CLSTN2: variants seen among roughly 807,000 people sequenced by gnomAD.
CLSTN2 encodes the protein calsyntenin-2.
Under a neutral mutation model 101.2 loss-of-function variants are expected in CLSTN2, and 48 were observed. That is an observed-to-expected ratio of 0.47 (90% CI 0.38 to 0.60). CLSTN2 has a LOEUF of 0.60. CLSTN2 is among the 20% of genes least tolerant of loss of function. The pLI is 0.00. For synonymous variants in CLSTN2, 481 were observed against 463.6 expected, an observed-to-expected ratio of 1.04 and a Z score of -0.48; for missense variants, 1,160 against 1,238.2, an observed-to-expected ratio of 0.94 and a Z score of 0.95.
At chr3:140,284,508 C>T (rs955794407) in intron 2 of CLSTN2, among the ~76,000 whole-genome samples, 3 of 152,146 alleles carry the variant, frequency 2.0e-5, no homozygotes, top group Middle Eastern at 3.4e-3. Flanking sequence ...CAGGGGGTTG[C>T]GGAGATCAAG....
intron 1 of CLSTN2, among the ~76,000 whole-genome samples, chr3:139,955,095 T>C (rs897715968): frequency 1.9e-4 from 26 of 137,524 alleles, no homozygotes; most frequent in African/African-American, 7.0e-4. Flanking sequence ...CACATACATG[T>C]ATATATGGCA....
intron 2 of CLSTN2, among the ~76,000 whole-genome samples, chr3:140,384,602 G>A (rs1399806617): frequency 6.6e-6 from 1 of 152,160 alleles, no homozygotes. Flanking sequence ...CCACTCACTC[G>A]GATGAGAATG....
rs192218559 is a variant in CLSTN2 at position 140,317,520 on chromosome 3, A to C, written c.233-86109A>C. Among the ~76,000 whole-genome samples, 11 of 152,246 alleles carry C rather than the reference A, an allele frequency of 7.2e-5. No homozygotes were observed. The East Asian group carries it at 2.1e-3, about 29-fold the overall frequency. On this transcript the variant is annotated intron_variant, in intron 2 of 16. Transcript: ENST00000458420. The stretch of plus-strand genomic sequence containing the variant: ...ACAGCCTGTTGGCCACAGGACCCCA[A>C]TTCCAGTGTGAGACCCATAAGTGAC...
chr3:140,215,446 C>A (rs1381933397), intron 2 of CLSTN2, among the ~76,000 whole-genome samples: 1 of 152,170 alleles, frequency 6.6e-6, no homozygotes, highest in African/African-American at 2.4e-5. Context: ...TTTATCTGTC[C>A]TTTTTTCCCA....
chr3:140,416,717 C>T (rs1302163061), intron 4 of CLSTN2, among the ~76,000 whole-genome samples: 1 of 152,204 alleles, frequency 6.6e-6, no homozygotes, highest in Non-Finnish European at 1.5e-5. Context: ...CAAAAAAATA[C>T]TGGAGCCTCT....
chr3:140,536,108 C>A (rs1435452169), intron 9 of CLSTN2, among the ~76,000 whole-genome samples: 3 of 152,126 alleles, frequency 2.0e-5, no homozygotes, highest in African/African-American at 7.2e-5. Context: ...AAAAGAGTTT[C>A]AGCTTTGGGG....
chr3:139,970,287 GC>G (rs1560057534), intron 1 of CLSTN2, among the ~76,000 whole-genome samples: 1 of 152,140 alleles, frequency 6.6e-6, no homozygotes, highest in African/African-American at 2.4e-5. Flanking sequence ...AGGGTTCCTG[GC>G]ACCATGTGAG....
chr3:140,429,874 G>A (rs142385307), intron 5 of CLSTN2, among the ~76,000 whole-genome samples: 33 of 152,198 alleles, frequency 2.2e-4, no homozygotes, highest in East Asian at 1.7e-3. Context: ...GCAGTTGGGC[G>A]TGTCTGGGGC....
chr3:140,042,738 T>C (rs577639196), intron 1 of CLSTN2, among the ~76,000 whole-genome samples: 5 of 152,310 alleles, frequency 3.3e-5, no homozygotes, highest in African/African-American at 1.2e-4. Context: ...GTGTTCTCAT[T>C]GTTCAATTCC....
chr3:140,124,819 G>A (rs1398268824), intron 1 of CLSTN2, among the ~76,000 whole-genome samples: 5 of 152,204 alleles, frequency 3.3e-5, no homozygotes, highest in Non-Finnish European at 5.9e-5. Context: ...TGAAGTTTTA[G>A]TGCAGGATGA....
intron 2 of CLSTN2, among the ~76,000 whole-genome samples, chr3:140,286,294 G>A (rs1249472051): frequency 1.3e-5 from 2 of 151,998 alleles, no homozygotes; most frequent in African/African-American, 4.8e-5. Context: ...GATAGGTGTG[G>A]TGTTTTCAAG....
intron 1 of CLSTN2, among the ~76,000 whole-genome samples, chr3:139,987,097 C>CT (rs1256497391): frequency 1.3e-5 from 2 of 152,164 alleles, no homozygotes; most frequent in East Asian, 3.8e-4. Flanking sequence ...TTTAGTTCCT[C>CT]TGTCTTTTGG....
At chr3:140,556,815 C>T (rs1050822966) in intron 11 of CLSTN2, 154 bp downstream of exon 11, 2 of 671,648 alleles carry the variant, frequency 3.0e-6, no homozygotes, top group Non-Finnish European at 5.0e-6. Flanking sequence ...CTCAAAGGAT[C>T]TGTGTTCTTG....
intron 1 of CLSTN2, among the ~76,000 whole-genome samples, chr3:140,168,717 A>C (rs143368235): frequency 2.0e-5 from 3 of 151,966 alleles, no homozygotes; most frequent in Admixed American, 2.0e-4. Context: ...TGGCATATAG[A>C]TATTCATTTT....
At chr3:140,244,795 G>T (rs2086500870) in intron 2 of CLSTN2, among the ~76,000 whole-genome samples, 1 of 152,132 alleles carries the variant, frequency 6.6e-6, no homozygotes, top group South Asian at 2.1e-4. Context: ...TATTAAGTTT[G>T]TAGTTCCAGT....
At chr3:140,023,684 C>T (rs2007363076) in intron 1 of CLSTN2, among the ~76,000 whole-genome samples, 1 of 152,164 alleles carries the variant, frequency 6.6e-6, no homozygotes, top group Non-Finnish European at 1.5e-5. Context: ...AAGCTGAGCA[C>T]CAGCCCCCTT....
intron 2 of CLSTN2, among the ~76,000 whole-genome samples, chr3:140,211,531 C>CTGTGTG (rs60408720): frequency 0.034 from 4,853 of 142,430 alleles, 212 homozygotes; most frequent in African/African-American, 0.11. Context: ...GGATCAAAAT[C>CTGTGTG]TGTGTGTGTG....
intron 8 of CLSTN2, among the ~76,000 whole-genome samples, chr3:140,502,634 A>G (rs765456897): frequency 2.6e-5 from 4 of 152,218 alleles, no homozygotes; most frequent in African/African-American, 4.8e-5. Context: ...CCTGGCATCT[A>G]TGAAGAATTT....
In CLSTN2 at chr3:140,356,277, A is replaced by AT. The variant is rs564479461; in HGVS notation, c.233-47352_233-47351insT. Among the ~76,000 whole-genome samples the AT allele has an allele frequency of 2.0e-4, 30 of 152,298 alleles. No homozygotes were observed. In the East Asian group the frequency reaches 2.7e-3, roughly 14 times the overall value. On this transcript the variant is annotated intron_variant, in intron 2 of 16. Transcript: ENST00000458420. Reference sequence around the variant, plus strand: ...AGCAGAAAGCAGAACGTGTGCTGGGAGTCAGCAGAGCAGAGATCACCCCAT... The same window carrying AT: ...AGCAGAAAGCAGAACGTGTGCTGGGATGTCAGCAGAGCAGAGATCACCCCAT...
Sources: gnomAD v4.1 joint callset for allele counts (sites outside exome capture counted in the v4.1 genomes callset) on GRCh38, gnomAD v4.1.1 for gene constraint, MANE v1.5 for transcripts, NCBI Gene and HGNC (gene_info 2026-07-23, HGNC 2026-07-21) for gene names.